INSR: variants seen among roughly 807,000 people sequenced by gnomAD.
INSR encodes IR.
INSR carries 67 observed loss-of-function variants against 142.6 expected under a neutral mutation model. The ratio of observed to expected loss-of-function variants is 0.47; its 90% CI spans 0.39 to 0.58. The LOEUF (loss-of-function observed/expected upper bound fraction) is 0.58, where lower values mean the gene tolerates loss of function less well. INSR is among the 20% of genes least tolerant of loss of function. The pLI is 0.00. For synonymous variants in INSR, 756 were observed against 743.1 expected (o/e 1.02, Z -0.28); for missense variants, 1,248 against 1,833.2 (o/e 0.68, Z 5.83).
chr19:7,218,020 A>G (rs2145091002), intron 2 of INSR, among the ~76,000 whole-genome samples: 1 of 152,296 alleles, frequency 6.6e-6, no homozygotes, highest in South Asian at 2.1e-4. Context: ...AGCTGTCTCC[A>G]CTGTGGGAGG....
chr19:7,286,820 A>G (rs1968356185), intron 1 of INSR, among the ~76,000 whole-genome samples: 1 of 151,940 alleles, frequency 6.6e-6, no homozygotes, highest in Non-Finnish European at 1.5e-5. Context: ...CAGCTGCAAA[A>G]TATCAACCAG....
intron 13 of INSR, among the ~76,000 whole-genome samples, chr19:7,136,963 G>A (rs1364080031): frequency 6.6e-6 from 1 of 151,642 alleles, no homozygotes; most frequent in East Asian, 1.9e-4. Flanking sequence ...CTCCCGAGTA[G>A]TTGGGATTAC....
chr19:7,127,108 G>C (rs902211544), intron 15 of INSR, among the ~76,000 whole-genome samples: 14 of 152,134 alleles, frequency 9.2e-5, no homozygotes, highest in African/African-American at 2.7e-4. Context: ...ATGTTGCCCA[G>C]GCTGGTCTTG....
chr19:7,143,046 G>A lies in INSR; in HGVS notation c.2312C>T (p.Thr771Met), dbSNP rs773661946. ...AGCTGCCACCGTGGGCACGGCCACCGTCACATTCCCAACATCGCCAAGGGA... is the reference window on the plus strand; with the variant it reads ...AGCTGCCACCGTGGGCACGGCCACCATCACATTCCCAACATCGCCAAGGGA... Reference protein sequence around the residue: ...RRSLGDVGNVTVAVPTVAAFP... With the variant: ...RRSLGDVGNVMVAVPTVAAFP... Residue 771 changes from threonine (T) to methionine (M), a missense_variant, in exon 12 of 22, where the codon ACG becomes ATG. Physicochemically the swap from Thr to Met is moderately conservative, Grantham distance 81 (BLOSUM62 -1). Transcript: ENST00000302850. 8.7e-6 allele frequency: 14 copies of A among 1,614,102 alleles called. No individual in the cohort carries two copies. The highest frequency in any genetic ancestry group is 3.3e-5 in the Admixed American group (2 of 60,012).
At position 7,216,762 on chromosome 19, in the gene INSR, C is replaced by G. The variant is rs1354764736; in HGVS notation, c.653-32125G>C. On this transcript the variant is annotated intron_variant, in intron 2 of 21. Coordinates refer to ENST00000302850, the MANE Select transcript of INSR (RefSeq NM_000208.4). The surrounding 1 kb of genome is among the most constrained non-coding windows in gnomAD (Gnocchi z 4.2). ...CCAGGTGCTGGGTTTCTCACCGTATCCATTTCCCATTGCTGCTGTCACAAA... is the reference window on the plus strand; with the variant it reads ...CCAGGTGCTGGGTTTCTCACCGTATGCATTTCCCATTGCTGCTGTCACAAA... Among the ~76,000 whole-genome samples, 2 of 152,194 alleles carry G rather than the reference C, an allele frequency of 1.3e-5. No individual in the cohort carries two copies. The highest frequency in any genetic ancestry group is 2.9e-5 in the Non-Finnish European group (2 of 68,030).
At chr19:7,182,994 G>A (rs1434097559) in intron 3 of INSR, among the ~76,000 whole-genome samples, 1 of 150,936 alleles carries the variant, frequency 6.6e-6, no homozygotes, top group Non-Finnish European at 1.5e-5. Context: ...AAGCCAAAAG[G>A]TTTTTTTGGT....
intron 2 of INSR, among the ~76,000 whole-genome samples, chr19:7,191,973 A>G (rs1974605054): frequency 1.4e-5 from 2 of 147,610 alleles, no homozygotes; most frequent in South Asian, 4.5e-4. Context: ...AGAAGGAGGG[A>G]AGGAAGGAGG....
chr19:7,260,975 C>T (rs1405755147), intron 2 of INSR, among the ~76,000 whole-genome samples: 2 of 151,876 alleles, frequency 1.3e-5, no homozygotes, highest in East Asian at 1.9e-4. Context: ...GCGACCTCCG[C>T]CCCCGGGGCC....
At chr19:7,177,702 AT>A (rs71177166) in intron 3 of INSR, among the ~76,000 whole-genome samples, 14,251 of 90,624 alleles carry the variant, frequency 0.16, 865 homozygotes, top group South Asian at 0.29. Context: ...CTAATTTTGT[AT>A]TTTTTTTTTT....
intron 1 of INSR, among the ~76,000 whole-genome samples, chr19:7,270,935 A>G (rs1967907764): frequency 6.6e-6 from 1 of 150,670 alleles, no homozygotes; most frequent in South Asian, 2.1e-4. Flanking sequence ...GGTGGCGGGC[A>G]CCCGTAGTGG....
chr19:7,207,901 A>AAAGGAAGGAAGG (rs35679001), intron 2 of INSR, among the ~76,000 whole-genome samples: 9,831 of 72,628 alleles, frequency 0.14, 977 homozygotes, highest in Admixed American at 0.18. Context: ...GGAAGGAAGG[A>AAAGGAAGGAAGG]AAGGAAGGAA....
chr19:7,201,025 A>T (rs1284276398), intron 2 of INSR, among the ~76,000 whole-genome samples: 1 of 152,192 alleles, frequency 6.6e-6, no homozygotes, highest in African/African-American at 2.4e-5. Flanking sequence ...GGAAGTTTTT[A>T]TTCTCATTCA....
Position 7,253,332 on chromosome 19 carries a change from G to A in INSR, c.652+14013C>T, listed in dbSNP as rs752474803. ...CGACTCACTGCAACCTCCACCTCCC[G>A]GGTTCAAGCAATCCTCCTGCCTCAG... On this transcript the variant is annotated intron_variant, in intron 2 of 21. Transcript: ENST00000302850. Among the ~76,000 whole-genome samples the A allele has an allele frequency of 5.9e-5, 9 of 151,994 alleles. No homozygotes were observed. The East Asian group carries it at 9.7e-4, about 16-fold the overall frequency.
intron 7 of INSR, 88 bp downstream of exon 7, chr19:7,167,880 C>A: frequency 1.6e-5 from 24 of 1,547,348 alleles, no homozygotes; most frequent in Non-Finnish European, 1.9e-5. Context: ...GACAGGAACC[C>A]AAGAGGGGCA....
chr19:7,164,108 AAAAAAAAAG>A (rs1030848274), intron 8 of INSR, among the ~76,000 whole-genome samples: 1 of 146,798 alleles, frequency 6.8e-6, no homozygotes, highest in African/African-American at 2.6e-5. Flanking sequence ...AAAAAAAAAA[AAAAAAAAAG>A]CTTGAATTTG....
chr19:7,225,707 C>T lies in INSR; in HGVS notation c.653-41070G>A, dbSNP rs564824578. ...GGCTCTTGGTTTCCATTTCCCCCCC[C>T]TCAAAAAAAGAGCAGAGAATAATTG... is the stretch of plus-strand genomic sequence containing the variant. On this transcript the variant is annotated intron_variant, in intron 2 of 21. Transcript: ENST00000302850. The surrounding 1 kb of genome is among the most constrained non-coding windows in gnomAD (Gnocchi z 4.7). Among the ~76,000 whole-genome samples, 39 of 150,316 alleles carry T rather than the reference C, an allele frequency of 2.6e-4. No individual in the cohort carries two copies. Among genetic ancestry groups the T allele is most frequent in the South Asian group, 1.9e-3 (9 of 4,782 alleles).
chr19:7,174,506 G>A (rs957137203), intron 4 of INSR, 77 bp downstream of exon 4: 15 of 1,552,246 alleles, frequency 9.7e-6, no homozygotes, highest in African/African-American at 4.1e-5. Flanking sequence ...GGTCTGCACT[G>A]CTTTTCTTCC....
chr19:7,281,602 G>A (rs1968205360), intron 1 of INSR, among the ~76,000 whole-genome samples: 1 of 151,978 alleles, frequency 6.6e-6, no homozygotes, highest in Non-Finnish European at 1.5e-5. Flanking sequence ...AATCATTTGA[G>A]CCCAGGAGTT....
chr19:7,229,577 T>G (rs12609950), intron 2 of INSR, among the ~76,000 whole-genome samples: 35,296 of 152,100 alleles, frequency 0.23, 5,201 homozygotes, highest in Non-Finnish European at 0.32. Context: ...TCCATCAATT[T>G]ATGGACTTCA....
Sources: allele counts gnomAD v4.1 joint callset (sites outside exome capture counted in the v4.1 genomes callset), GRCh38; gene constraint gnomAD v4.1.1; non-coding constraint Gnocchi (gnomAD v3.1); transcripts MANE v1.5; gene names NCBI Gene and HGNC (gene_info 2026-07-23, HGNC 2026-07-21).